The following ITGA2 variants were observed in gnomAD, a reference collection of about 807,000 sequenced individuals.
ITGA2 encodes integrin subunit alpha 2.
In ITGA2, 101 loss-of-function variants were observed where a neutral mutation model predicts 146.3. The ratio of observed to expected loss-of-function variants is 0.69; its 90% CI spans 0.59 to 0.81. The LOEUF is 0.81. Ranked by LOEUF, ITGA2 falls within the 40% of genes least tolerant of loss-of-function variation. The probability of loss-of-function intolerance (pLI) is 0.00; values close to 1 mark genes in which losing one functional copy is unlikely to be tolerated. For synonymous variants in ITGA2, 477 were observed against 487.1 expected, an observed-to-expected ratio of 0.98 and a Z score of 0.27; for missense variants, 1,281 against 1,402.7, an observed-to-expected ratio of 0.91 and a Z score of 1.39.
chr5:53,092,545 T>C lies in ITGA2; in HGVS notation c.*1946T>C, dbSNP rs890362742. ...GGTTTATAGAAAAAACAGCATGGTA[T>C]TCTCCAGTTAGGTATGCCAGAGTCC... On this transcript the variant is annotated 3_prime_UTR_variant, in exon 30 of 30. Coordinates refer to ENST00000296585, the MANE Select transcript of ITGA2 (RefSeq NM_002203.4). The C allele has an allele frequency of 6.6e-6, 1 of 152,002 alleles. No homozygotes were observed. The highest frequency in any genetic ancestry group is 1.5e-5 in the Non-Finnish European group (1 of 68,024). 9.4% of individuals were successfully genotyped at this position (152,002 alleles called of 1,614,324 possible). A position where few individuals can be genotyped will look rare whatever the true frequency, so the allele number is the denominator to read the frequency against.
At chr5:53,063,057 A>T (rs3212544) in intron 13 of ITGA2, 128 bp downstream of exon 13, 62,602 of 763,186 alleles carry the variant, frequency 0.082, 2,743 homozygotes, top group Middle Eastern at 0.13. Context: ...ACATTTCATC[A>T]TTTTTGAGGA....
chr5:52,990,568 G>GGT lies in ITGA2; in HGVS notation c.64+1036_64+1037insGT, dbSNP rs1561272362. ...TCTCTGATTTTAAAGTGTGTGTGTGGTTTTTTTTTTTTTTTTTTACAAAGA... is the reference window on the plus strand; with the variant it reads ...TCTCTGATTTTAAAGTGTGTGTGTGGGTTTTTTTTTTTTTTTTTTTACAAAGA... On this transcript the variant is annotated intron_variant, in intron 1 of 29. Transcript: ENST00000296585. 2.5e-3 allele frequency among the ~76,000 whole-genome samples: 364 copies of GGT among 144,000 alleles called. 2 individuals carry two copies. The highest frequency in any genetic ancestry group is 0.011 in the Middle Eastern group (3 of 282). 94.5% of individuals were successfully genotyped at this position (144,000 alleles called of 152,430 possible). A position where few individuals can be genotyped will look rare whatever the true frequency, so the allele number is the denominator to read the frequency against.
At chr5:53,014,970 A>G (rs1009121028) in intron 1 of ITGA2, among the ~76,000 whole-genome samples, 58 of 151,676 alleles carry the variant, frequency 3.8e-4, no homozygotes, top group Non-Finnish European at 5.9e-5. Context: ...GATTGTGTCT[A>G]TTTTAATTGC....
At position 53,065,847 on chromosome 5, in the gene ITGA2, T is replaced by C. The variant is rs752615181; in HGVS notation, c.1813T>C (p.Leu605=). The change falls in exon 15 of 30, where the codon TTG becomes CTG. Residue 605 remains leucine (L), a synonymous_variant. Transcript: ENST00000296585. ...GTCAAACCTGCTCTTTTAGAAAATC[T>C]TGGGATCCGATGGAGCCTTTAGGAG... is the stretch of plus-strand genomic sequence containing the variant. ...TIRTKYSQKI[L]GSDGAFRSHL... is the part of the protein sequence containing the mutation. The C allele has an allele frequency of 1.5e-5, 24 of 1,611,760 alleles. No homozygotes were observed. The highest frequency in any genetic ancestry group is 1.7e-4 in the Middle Eastern group (1 of 6,058).
At chr5:53,068,221 C>G (rs1354119560) in intron 16 of ITGA2, among the ~76,000 whole-genome samples, 1 of 151,872 alleles carries the variant, frequency 6.6e-6, no homozygotes, top group African/African-American at 2.4e-5. Flanking sequence ...AGATTCAAAT[C>G]TTAACATGCT....
chr5:53,055,589 A>G lies in ITGA2; in HGVS notation c.831A>G (p.Val277=), dbSNP rs755368803. ...ASGGRRSATK[V]MVVVTDGESH... ...GTGGGCGACGAAGTGCTACGAAAGTAATGGTAGTTGTAACTGACGGTGAAT... is the reference window on the plus strand; with the variant it reads ...GTGGGCGACGAAGTGCTACGAAAGTGATGGTAGTTGTAACTGACGGTGAAT... Residue 277 remains valine, a synonymous_variant, in exon 8 of 30, where the codon GTA becomes GTG. Transcript: ENST00000296585. The G allele has an allele frequency of 3.7e-6, 6 of 1,613,204 alleles. No homozygotes were observed. In the Admixed American group the frequency reaches 1.0e-4, roughly 27 times the overall value.
At chr5:53,055,168 ATAAAG>A (rs1350381347) in intron 7 of ITGA2, among the ~76,000 whole-genome samples, 10 of 152,216 alleles carry the variant, frequency 6.6e-5, no homozygotes, top group African/African-American at 1.7e-4. Context: ...ATAAGTATTG[ATAAAG>A]TAAACACAAG....
At chr5:53,020,111 A>G (rs775191784) in intron 1 of ITGA2, among the ~76,000 whole-genome samples, 12 of 152,216 alleles carry the variant, frequency 7.9e-5, no homozygotes, top group Non-Finnish European at 1.5e-4. Context: ...TCATTCCTGC[A>G]CTAAGAACAA....
chr5:53,079,046 T>C (rs1344083783), intron 24 of ITGA2, among the ~76,000 whole-genome samples, 172 bp downstream of exon 24: 4 of 152,168 alleles, frequency 2.6e-5, no homozygotes, highest in African/African-American at 9.7e-5. Flanking sequence ...ATGCTGGGCT[T>C]TATCTCCAGC....
At chr5:53,067,405 A>G in intron 16 of ITGA2, 148 bp downstream of exon 16, 2 of 800,972 alleles carry the variant, frequency 2.5e-6, no homozygotes, top group Admixed American at 4.1e-5. Context: ...ATGCCCGAGA[A>G]TGGTTCACTA....
rs1449974999 is a variant in ITGA2 at position 53,056,086 on chromosome 5, T to A, written c.1033T>A (p.Ser345Thr). The A allele has an allele frequency of 1.2e-6, 2 of 1,612,170 alleles. No homozygotes were observed. Among genetic ancestry groups the A allele is most frequent in the Admixed American group, 3.3e-5 (2 of 59,894 alleles). The change falls in exon 9 of 30, where the codon TCT becomes ACT. Residue 345 changes from serine (S) to threonine (T), a missense_variant. Physicochemically the swap from Ser to Thr is moderately conservative, Grantham distance 58. This residue lies in a region of ITGA2 where 795 missense variants were observed against 841.7 expected (regional missense o/e 0.94). Transcript: ENST00000296585. The stretch of plus-strand genomic sequence containing the variant: ...AACAGAAAGATACTTTTTCAATGTG[T>A]CTGATGAAGCAGCTCTACTAGAAAA... ...IPTERYFFNVSDEAALLEKAG... is the reference protein window; with the variant it reads ...IPTERYFFNVTDEAALLEKAG...
At chr5:53,053,882 TTTA>T (rs1317807423) in intron 7 of ITGA2, among the ~76,000 whole-genome samples, 1 of 152,158 alleles carries the variant, frequency 6.6e-6, no homozygotes, top group Non-Finnish European at 1.5e-5. Flanking sequence ...ACAGTTGCAG[TTTA>T]TTGTTTTAAG....
At chr5:53,059,055 A>G (rs1434041266) in intron 10 of ITGA2, among the ~76,000 whole-genome samples, 2 of 151,862 alleles carry the variant, frequency 1.3e-5, no homozygotes, top group Non-Finnish European at 2.9e-5. Context: ...CATGGCTTGT[A>G]TTTTTTAGTC....
In ITGA2 at chr5:53,090,585, GA is replaced by G. The variant is rs1196159042; in HGVS notation, c.3533del (p.Glu1178GlyfsTer31). 1.3e-5 allele frequency: 21 copies of G among 1,614,014 alleles called. No individual in the cohort carries two copies. The highest frequency in any genetic ancestry group is 1.7e-5 in the Non-Finnish European group (20 of 1,179,914). On this transcript the variant is annotated frameshift_variant, in exon 30 of 30. Transcript: ENST00000296585. LOFTEE classifies it high-confidence loss of function. The part of the protein sequence containing the change: ...KNPDEIDETT[E>X]LSS ...TCCAGATGAGATTGATGAGACCACAGAGCTCAGTAGCTGAACCAGCAGACCT... is the reference window on the plus strand; with the variant it reads ...TCCAGATGAGATTGATGAGACCACAGGCTCAGTAGCTGAACCAGCAGACCT...
In ITGA2 at chr5:53,090,063, G is replaced by A. The variant is rs1554025543; in HGVS notation, c.3465+1G>A. The A allele has an allele frequency of 6.4e-7, 1 of 1,557,970 alleles. No individual in the cohort carries two copies. Among genetic ancestry groups the A allele is most frequent in the Non-Finnish European group, 8.9e-7 (1 of 1,129,118 alleles). On this transcript the variant is annotated splice_donor_variant, in intron 29 of 29. Transcript: ENST00000296585. LOFTEE classifies it high-confidence loss of function. ...AGCTCTGGTTGCAATTTTATGGAAGGTAAGAAAAGCTTTATATTTTAAAAT... is the reference window on the plus strand; with the variant it reads ...AGCTCTGGTTGCAATTTTATGGAAGATAAGAAAAGCTTTATATTTTAAAAT...
At chr5:53,067,745 A>G (rs1046049900) in intron 16 of ITGA2, among the ~76,000 whole-genome samples, 29 of 152,074 alleles carry the variant, frequency 1.9e-4, no homozygotes, top group African/African-American at 6.3e-4. Flanking sequence ...AGTGTTTTAA[A>G]TGTTCTAAAT....
intron 16 of ITGA2, 58 bp downstream of exon 16, chr5:53,067,315 T>G: frequency 6.3e-7 from 1 of 1,591,542 alleles, no homozygotes; most frequent in South Asian, 1.1e-5. Context: ...GTTTTAGTCC[T>G]GAATATAACA....
chr5:53,067,946 T>G (rs1745219642), intron 16 of ITGA2, among the ~76,000 whole-genome samples: 1 of 151,874 alleles, frequency 6.6e-6, no homozygotes, highest in Admixed American at 6.6e-5. Flanking sequence ...CACCTTCATC[T>G]CTTCTGCCCC....
chr5:53,004,303 A>T (rs903635556), intron 1 of ITGA2, among the ~76,000 whole-genome samples: 1 of 152,170 alleles, frequency 6.6e-6, no homozygotes, highest in African/African-American at 2.4e-5. Context: ...CATTTTTCTG[A>T]GTAACTTTAG....
Sources: allele counts gnomAD v4.1 joint callset (sites outside exome capture counted in the v4.1 genomes callset), GRCh38; gene constraint gnomAD v4.1.1; regional missense constraint gnomAD v4.1.1; transcripts MANE v1.5; gene names NCBI Gene and HGNC (gene_info 2026-07-23, HGNC 2026-07-21).